Variants in NKAIN2 observed in about 807,000 individuals in gnomAD.
NKAIN2 encodes sodium/potassium transporting ATPase interacting 2.
In NKAIN2, 14 loss-of-function variants were observed where a neutral mutation model predicts 32.6. That is an observed-to-expected ratio of 0.43 (90% CI 0.28 to 0.67). The LOEUF is 0.67. NKAIN2 is among the 30% of genes least tolerant of loss of function. The pLI is 0.17. For synonymous variants in NKAIN2, 80 were observed against 87.2 expected, an observed-to-expected ratio of 0.92 and a Z score of 0.46; for missense variants, 198 against 258.3, an observed-to-expected ratio of 0.77 and a Z score of 1.60.
At chr6:123,906,281 T>TCC (rs1223676494) in intron 1 of NKAIN2, among the ~76,000 whole-genome samples, 53 of 151,730 alleles carry the variant, frequency 3.5e-4, no homozygotes, top group African/African-American at 1.3e-3. Flanking sequence ...CTTCTTCTTC[T>TCC]ACTTTTTTTT....
chr6:124,138,100 G>A (rs1322159032), intron 1 of NKAIN2, among the ~76,000 whole-genome samples: 5 of 152,058 alleles, frequency 3.3e-5, no homozygotes, highest in Admixed American at 3.3e-4. Context: ...TGCAAACTAT[G>A]CATCCAACAA....
intron 1 of NKAIN2, among the ~76,000 whole-genome samples, chr6:124,053,621 A>G (rs1782509075): frequency 6.6e-6 from 1 of 152,026 alleles, no homozygotes; most frequent in South Asian, 2.1e-4. Flanking sequence ...TGTGTTTCTA[A>G]TGCACAAGAA....
At chr6:124,280,862 A>G (rs1429246435) in intron 1 of NKAIN2, among the ~76,000 whole-genome samples, 3 of 152,200 alleles carry the variant, frequency 2.0e-5, no homozygotes, top group Admixed American at 6.5e-5. Context: ...GATCCCTAAT[A>G]GGGCTAATCA....
chr6:124,349,308 G>A (rs1049983220), intron 2 of NKAIN2, among the ~76,000 whole-genome samples: 8 of 152,158 alleles, frequency 5.3e-5, no homozygotes, highest in African/African-American at 1.4e-4. Flanking sequence ...CTACAAAGGC[G>A]GGAACTTCCC....
chr6:124,168,089 G>A (rs1788661775), intron 1 of NKAIN2, among the ~76,000 whole-genome samples: 1 of 152,150 alleles, frequency 6.6e-6, no homozygotes, highest in African/African-American at 2.4e-5. Flanking sequence ...AGAGTTTGAA[G>A]CAAAATCAAA....
chr6:124,441,841 C>T (rs534591953), intron 3 of NKAIN2, among the ~76,000 whole-genome samples: 4 of 152,106 alleles, frequency 2.6e-5, no homozygotes, highest in Admixed American at 2.6e-4. Flanking sequence ...AGTCAACTTT[C>T]CACCATATCT....
At chr6:124,528,311 T>A (rs1779395905) in intron 3 of NKAIN2, among the ~76,000 whole-genome samples, 1 of 152,250 alleles carries the variant, frequency 6.6e-6, no homozygotes, top group Admixed American at 6.5e-5. Context: ...CAGCACTTTG[T>A]TTTGCCCTAA....
chr6:124,518,056 A>G (rs1328660729), intron 3 of NKAIN2, among the ~76,000 whole-genome samples: 2 of 152,118 alleles, frequency 1.3e-5, no homozygotes, highest in African/African-American at 2.4e-5. Context: ...TTTAAAATAC[A>G]TATGTTGAAT....
chr6:124,807,240 T>A (rs1270133245), intron 5 of NKAIN2, among the ~76,000 whole-genome samples: 1 of 152,144 alleles, frequency 6.6e-6, no homozygotes, highest in African/African-American at 2.4e-5. Flanking sequence ...TAGTTGGAAG[T>A]AAAGCACTCC....
intron 5 of NKAIN2, among the ~76,000 whole-genome samples, chr6:124,811,460 C>T (rs532041873): frequency 6.6e-6 from 1 of 152,188 alleles, no homozygotes; most frequent in African/African-American, 2.4e-5. Context: ...AAGAGAGGCT[C>T]ACAACAGGAA....
chr6:123,907,316 A>T (rs1042038646), intron 1 of NKAIN2, among the ~76,000 whole-genome samples: 1 of 152,202 alleles, frequency 6.6e-6, no homozygotes, highest in Non-Finnish European at 1.5e-5. Context: ...TAATAAAAAT[A>T]TAAAATGTCT....
At chr6:124,179,320 A>G (rs1306988001) in intron 1 of NKAIN2, among the ~76,000 whole-genome samples, 2 of 152,166 alleles carry the variant, frequency 1.3e-5, no homozygotes, top group East Asian at 3.9e-4. Context: ...AACACTAGAC[A>G]TGTTCTTCAG....
At chr6:124,048,956 A>G (rs546802934) in intron 1 of NKAIN2, among the ~76,000 whole-genome samples, 4 of 152,158 alleles carry the variant, frequency 2.6e-5, no homozygotes, top group African/African-American at 9.6e-5. Flanking sequence ...AATGTTCTTA[A>G]AGAGAGTACG....
chr6:124,076,607 T>A (rs1236949509), intron 1 of NKAIN2, among the ~76,000 whole-genome samples: 3 of 152,204 alleles, frequency 2.0e-5, no homozygotes, highest in Non-Finnish European at 4.4e-5. Context: ...TTCCAGTTGA[T>A]GTTTATAATA....
At chr6:123,817,171 G>A (rs1277701325) in intron 1 of NKAIN2, among the ~76,000 whole-genome samples, 1 of 152,140 alleles carries the variant, frequency 6.6e-6, no homozygotes, top group African/African-American at 2.4e-5. Flanking sequence ...TGTGAATGGA[G>A]TGATTATGGA....
At chr6:124,112,424 T>C (rs766751942) in intron 1 of NKAIN2, among the ~76,000 whole-genome samples, 8 of 152,192 alleles carry the variant, frequency 5.3e-5, no homozygotes, top group Non-Finnish European at 7.4e-5. Flanking sequence ...TGTTGATAAA[T>C]TTACTCATAG....
intron 5 of NKAIN2, chr6:124,794,759 C>A: frequency 3.2e-6 from 1 of 313,328 alleles, no homozygotes; most frequent in Non-Finnish European, 4.6e-6. Context: ...TCATTCACAC[C>A]TAGACAGTTA....
intron 3 of NKAIN2, among the ~76,000 whole-genome samples, chr6:124,496,507 G>A (rs193284337): frequency 5.2e-4 from 79 of 152,238 alleles, no homozygotes; most frequent in African/African-American, 1.6e-3. Flanking sequence ...AGAGGCATAA[G>A]TGCTTCAGTG....
chr6:124,526,194 A>G (rs1443818465), intron 3 of NKAIN2, among the ~76,000 whole-genome samples: 4 of 152,132 alleles, frequency 2.6e-5, no homozygotes, highest in African/African-American at 9.6e-5. Context: ...AAGCTGGAAT[A>G]GAGGAGTGGT....
Sources: allele counts gnomAD v4.1 joint callset (sites outside exome capture counted in the v4.1 genomes callset), GRCh38; gene constraint gnomAD v4.1.1; transcripts MANE v1.5; gene names NCBI Gene and HGNC (gene_info 2026-07-23, HGNC 2026-07-21).